The following ODAD1 variants were observed in gnomAD, a reference collection of about 807,000 sequenced individuals.
ODAD1 encodes the protein outer dynein arm-docking complex subunit 1.
In ODAD1, 49 loss-of-function variants were observed where a neutral mutation model predicts 67.2. The observed-to-expected ratio is 0.73, with a 90% confidence interval of 0.58 to 0.92. ODAD1 has a LOEUF of 0.92. Among genes scored for constraint, ODAD1 ranks in the 40% least tolerant of loss-of-function variants. The pLI is 0.00. For synonymous variants in ODAD1, 345 were observed against 393.7 expected, an observed-to-expected ratio of 0.88 and a Z score of 1.46; for missense variants, 897 against 953.7, an observed-to-expected ratio of 0.94 and a Z score of 0.78.
intron 8 of ODAD1, 175 bp downstream of exon 8, chr19:48,306,081 C>T (rs1158390347): frequency 2.0e-6 from 1 of 505,836 alleles, no homozygotes; most frequent in Non-Finnish European, 2.6e-6. Context: ...AGAACAGGAC[C>T]TTGCCAGTGG....
intron 5 of ODAD1, among the ~76,000 whole-genome samples, chr19:48,317,274 G>T (rs1218393078): frequency 6.6e-6 from 1 of 152,058 alleles, no homozygotes; most frequent in East Asian, 1.9e-4. Flanking sequence ...ATGTGTGTGT[G>T]TATATCTGTA....
At chr19:48,303,523 G>T in intron 10 of ODAD1, 127 bp downstream of exon 10, 2 of 1,215,714 alleles carry the variant, frequency 1.6e-6, no homozygotes, top group Non-Finnish European at 2.3e-6. Context: ...CGGGTCCCAG[G>T]CATGACGCCT....
intron 8 of ODAD1, among the ~76,000 whole-genome samples, chr19:48,305,202 G>C (rs1213494878): frequency 6.6e-6 from 1 of 152,142 alleles, no homozygotes; most frequent in Non-Finnish European, 1.5e-5. Flanking sequence ...GTGAGAGAGA[G>C]AGCATGGAGC....
intron 5 of ODAD1, 66 bp downstream of exon 5, chr19:48,318,321 A>G (rs1348534787): frequency 7.3e-7 from 1 of 1,375,616 alleles, no homozygotes; most frequent in Non-Finnish European, 1.0e-6. Context: ...TGAGGAAGCT[A>G]AGGCTCAGGG....
chr19:48,316,243 T>C (rs1045441586), intron 5 of ODAD1, among the ~76,000 whole-genome samples: 2 of 151,584 alleles, frequency 1.3e-5, no homozygotes, highest in African/African-American at 4.9e-5. Flanking sequence ...TAGCTGGGAG[T>C]GGTGGCACAC....
intron 7 of ODAD1, among the ~76,000 whole-genome samples, chr19:48,307,138 C>T (rs1320191321): frequency 6.6e-6 from 1 of 151,184 alleles, no homozygotes; most frequent in Non-Finnish European, 1.5e-5. Context: ...GAGCCGAGAT[C>T]GTGCCATTGC....
At position 48,296,884 on chromosome 19, in the gene ODAD1, A is replaced by C; in HGVS notation, c.*92T>G. On this transcript the variant is annotated 3_prime_UTR_variant, in exon 16 of 16. Coordinates refer to ENST00000674294, the MANE Select transcript of ODAD1 (RefSeq NM_001364171.2). ...AGAGGCCTGCCACTGGGAGAAAAAG[A>C]CAGAGACCCACAAGGCAAACAGGGG... 1 of 1,443,718 alleles carries C rather than the reference A, an allele frequency of 6.9e-7. No individual in the cohort carries two copies. Among genetic ancestry groups the C allele is most frequent in the Non-Finnish European group, 9.1e-7 (1 of 1,104,922 alleles). 89.4% of individuals were successfully genotyped at this position (1,443,718 alleles called of 1,614,324 possible). A position where few individuals can be genotyped will look rare whatever the true frequency, so the allele number is the denominator to read the frequency against.
At chr19:48,299,785 A>T (rs117501647) in intron 12 of ODAD1, among the ~76,000 whole-genome samples, 3,874 of 152,112 alleles carry the variant, frequency 0.025, 83 homozygotes, top group Non-Finnish European at 0.038. Flanking sequence ...TGGGGAACAG[A>T]GCGAGACTTT....
intron 12 of ODAD1, among the ~76,000 whole-genome samples, chr19:48,300,335 T>A (rs1364393433): frequency 2.0e-5 from 3 of 152,154 alleles, no homozygotes; most frequent in South Asian, 2.1e-4. Flanking sequence ...TCTAAAAAAA[T>A]TTTTAAAAAG....
At chr19:48,302,973 G>A (rs375357239) in intron 11 of ODAD1, 40 bp downstream of exon 11, 58 of 1,603,666 alleles carry the variant, frequency 3.6e-5, no homozygotes, top group African/African-American at 3.3e-4. Context: ...CGGGGAGGCC[G>A]GGAGGAGAGG....
At chr19:48,314,268 C>T (rs1001528795) in intron 5 of ODAD1, among the ~76,000 whole-genome samples, 2 of 152,132 alleles carry the variant, frequency 1.3e-5, no homozygotes, top group Non-Finnish European at 2.9e-5. Flanking sequence ...GAGAGAGAGG[C>T]ATGGAACAGA....
At chr19:48,314,967 T>G (rs1685432731) in intron 5 of ODAD1, among the ~76,000 whole-genome samples, 1 of 151,606 alleles carries the variant, frequency 6.6e-6, no homozygotes, top group Non-Finnish European at 1.5e-5. Flanking sequence ...GAAAAAGAAA[T>G]GTCCAAAATG....
At chr19:48,305,340 C>T (rs561230516) in intron 8 of ODAD1, among the ~76,000 whole-genome samples, 41 of 151,954 alleles carry the variant, frequency 2.7e-4, no homozygotes, top group Non-Finnish European at 5.0e-4. Context: ...CCAATGCTGA[C>T]GAATAACAAA....
At chr19:48,309,576 G>A (rs1363667339) in intron 7 of ODAD1, among the ~76,000 whole-genome samples, 2 of 152,084 alleles carry the variant, frequency 1.3e-5, no homozygotes, top group East Asian at 1.9e-4. Context: ...TCTTGCTCAC[G>A]CTCCACTTGT....
At chr19:48,314,734 A>G (rs773465689) in intron 5 of ODAD1, among the ~76,000 whole-genome samples, 1 of 152,102 alleles carries the variant, frequency 6.6e-6, no homozygotes, top group Non-Finnish European at 1.5e-5. Flanking sequence ...TGAGGTCAGG[A>G]GTTTGAGACC....
chr19:48,311,994 C>T lies in ODAD1; in HGVS notation c.483G>A (p.Arg161=). The change falls in exon 6 of 16, where the codon AGG becomes AGA. Residue 161 remains arginine, a splice_region_variant and synonymous_variant. Transcript: ENST00000674294. ...RIRILENQLD[R]VTCHFDNQLV... is the part of the protein sequence containing the mutation. ...GAGGGACCAGGAGTTTGACCCTCACCCTGTCCAACTGGTTTTCTAGGATCC... is the reference window on the plus strand; with the variant it reads ...GAGGGACCAGGAGTTTGACCCTCACTCTGTCCAACTGGTTTTCTAGGATCC... The T allele has an allele frequency of 6.4e-7, 1 of 1,550,878 alleles. No individual in the cohort carries two copies.
chr19:48,309,044 G>A (rs564393285), intron 7 of ODAD1, among the ~76,000 whole-genome samples: 85 of 152,292 alleles, frequency 5.6e-4, no homozygotes, highest in African/African-American at 1.8e-3. Context: ...GAAGTTCTCT[G>A]CAGCCTGTAC....
At chr19:48,305,062 C>A (rs1181889787) in intron 8 of ODAD1, among the ~76,000 whole-genome samples, 1 of 152,124 alleles carries the variant, frequency 6.6e-6, no homozygotes, top group Non-Finnish European at 1.5e-5. Flanking sequence ...GACCCTAAGG[C>A]CGACCCAGGC....
chr19:48,306,456 G>A, intron 7 of ODAD1, 133 bp from the exon 8 acceptor site: 2 of 677,000 alleles, frequency 3.0e-6, no homozygotes, highest in Non-Finnish European at 5.1e-6. Context: ...CTCCTCATTA[G>A]CGACTGCCCA....
Sources: gnomAD v4.1 joint callset for allele counts (sites outside exome capture counted in the v4.1 genomes callset) on GRCh38, gnomAD v4.1.1 for gene constraint, MANE v1.5 for transcripts, NCBI Gene and HGNC (gene_info 2026-07-23, HGNC 2026-07-21) for gene names.